BRINP2: variants seen among roughly 807,000 people sequenced by gnomAD.
BRINP2 encodes the protein BMP/retinoic acid inducible neural specific 2.
BRINP2 carries 21 observed loss-of-function variants against 69.2 expected under a neutral mutation model. That is an observed-to-expected ratio of 0.30 (90% CI 0.22 to 0.44). The LOEUF (loss-of-function observed/expected upper bound fraction) is 0.44, where lower values mean the gene tolerates loss of function less well. Ranked by LOEUF, BRINP2 falls within the 20% of genes least tolerant of loss-of-function variation. The pLI is 1.00. For synonymous variants in BRINP2, 380 were observed against 394.1 expected, an observed-to-expected ratio of 0.96 and a Z score of 0.42; for missense variants, 877 against 986.0, an observed-to-expected ratio of 0.89 and a Z score of 1.48.
chr1:177,230,999 T>G (rs925227028), intron 2 of BRINP2, among the ~76,000 whole-genome samples: 5 of 152,090 alleles, frequency 3.3e-5, no homozygotes, highest in Non-Finnish European at 5.9e-5. Flanking sequence ...TAGTTTTTCA[T>G]GCAAAAAGAA....
intron 1 of BRINP2, among the ~76,000 whole-genome samples, chr1:177,201,986 G>A (rs1009856231): frequency 2.6e-5 from 4 of 152,188 alleles, no homozygotes; most frequent in African/African-American, 7.2e-5. Context: ...GTTTATTTGC[G>A]TAGAGGTGCT....
At chr1:177,261,714 G>A (rs2102350791) in intron 4 of BRINP2, among the ~76,000 whole-genome samples, 1 of 152,278 alleles carries the variant, frequency 6.6e-6, no homozygotes, top group South Asian at 2.1e-4. Flanking sequence ...ACAACTATGG[G>A]AGAAAATGAA....
At position 177,229,989 on chromosome 1, in the gene BRINP2, C is replaced by T. The variant is rs767880163; in HGVS notation, c.113C>T (p.Ala38Val). Reference sequence around the variant, plus strand: ...TGGGTGTTGGCTGTCTCAGCCACGGCGGCTGCTGTGGTCCCCGAGCAGCAT... The same window carrying T: ...TGGGTGTTGGCTGTCTCAGCCACGGTGGCTGCTGTGGTCCCCGAGCAGCAT... ...PGWVLAVSAT[A>V]AAVVPEQHAS... The change falls in exon 2 of 8, where the codon GCG (alanine) becomes GTG (valine). Residue 38 changes from alanine (A) to valine (V), a missense_variant. Ala to Val is a moderately conservative substitution (Grantham distance 64, BLOSUM62 0). Around this residue, in one of 3 missense-constraint regions of BRINP2, gnomAD observed 566 missense variants for 625.2 expected, o/e 0.91. Coordinates refer to ENST00000361539, the MANE Select transcript of BRINP2 (RefSeq NM_021165.4). 3.1e-6 allele frequency: 5 copies of T among 1,613,308 alleles called. No individual in the cohort carries two copies. Among genetic ancestry groups the T allele is most frequent in the Non-Finnish European group, 4.2e-6 (5 of 1,179,834 alleles).
intron 1 of BRINP2, among the ~76,000 whole-genome samples, chr1:177,187,772 G>A (rs537732815): frequency 3.9e-4 from 59 of 152,268 alleles, no homozygotes; most frequent in African/African-American, 1.3e-3. Flanking sequence ...AACCAGGTAG[G>A]CCATGGATTT....
At chr1:177,183,899 G>A (rs1193567045) in intron 1 of BRINP2, among the ~76,000 whole-genome samples, 1 of 152,174 alleles carries the variant, frequency 6.6e-6, no homozygotes, top group Non-Finnish European at 1.5e-5. Context: ...CTGCTAGATA[G>A]GGAAAAGAGA....
chr1:177,183,014 AGG>A (rs1156932812), intron 1 of BRINP2, among the ~76,000 whole-genome samples: 10 of 150,308 alleles, frequency 6.7e-5, no homozygotes, highest in Non-Finnish European at 1.3e-4. Flanking sequence ...CTCTCAGTGC[AGG>A]GCAGCATGCA....
intron 1 of BRINP2, among the ~76,000 whole-genome samples, chr1:177,209,707 T>C (rs1029592847): frequency 4.6e-5 from 7 of 151,966 alleles, no homozygotes; most frequent in African/African-American, 1.7e-4. Flanking sequence ...GCTGAAGCTC[T>C]CCGGTAAGAA....
intron 2 of BRINP2, among the ~76,000 whole-genome samples, chr1:177,244,886 A>C (rs755168180): frequency 6.6e-6 from 1 of 152,264 alleles, no homozygotes; most frequent in African/African-American, 2.4e-5. Context: ...CCAAATCAGC[A>C]CACAGTCCCT....
intron 4 of BRINP2, 81 bp from the exon 5 acceptor site, chr1:177,273,407 G>A: frequency 1.1e-6 from 1 of 888,738 alleles, no homozygotes; most frequent in East Asian, 2.6e-5. Flanking sequence ...TGGAACCTGA[G>A]ATGGAGCAGC....
intron 4 of BRINP2, among the ~76,000 whole-genome samples, chr1:177,263,412 A>T (rs1353988621): frequency 6.6e-6 from 1 of 152,170 alleles, no homozygotes. Flanking sequence ...GGAGCCAGAG[A>T]TCATTAGAGA....
intron 1 of BRINP2, among the ~76,000 whole-genome samples, chr1:177,196,945 C>T (rs1398472146): frequency 6.6e-6 from 1 of 152,048 alleles, no homozygotes; most frequent in Non-Finnish European, 1.5e-5. Context: ...CCACCCCAGT[C>T]CCCCCAGTTC....
Position 177,281,121 on chromosome 1 carries a change from C to T in BRINP2, c.1945C>T (p.Arg649Ter), listed in dbSNP as rs1651684490. The change falls in exon 8 of 8, where the codon CGA becomes TGA. Residue 649 changes from arginine to a stop codon, truncating the protein, a stop_gained. Transcript: ENST00000361539. LOFTEE classifies it high-confidence loss of function. ...GACAGTTCATGTTTACCTACGGAGCCGAATCAAGTCCCTGGATGACAGCTC... is the reference window on the plus strand; with the variant it reads ...GACAGTTCATGTTTACCTACGGAGCTGAATCAAGTCCCTGGATGACAGCTC... ...FETVHVYLRS[R>*]IKSLDDSSNE... 3.1e-6 allele frequency: 5 copies of T among 1,614,024 alleles called. No individual in the cohort carries two copies. Among genetic ancestry groups the T allele is most frequent in the African/African-American group, 1.3e-5 (1 of 74,904 alleles).
At chr1:177,264,208 A>G (rs181377060) in intron 4 of BRINP2, among the ~76,000 whole-genome samples, 23 of 152,300 alleles carry the variant, frequency 1.5e-4, no homozygotes, top group African/African-American at 5.1e-4. Flanking sequence ...CCTTGACCTG[A>G]CCAACTTTAC....
Position 177,209,421 on chromosome 1 carries a change from G to A in BRINP2, c.-76-20380G>A, listed in dbSNP as rs567240295. On this transcript the variant is annotated intron_variant, in intron 1 of 7. Transcript: ENST00000361539. Reference sequence around the variant, plus strand: ...GTGAGACAGAAAGCCTCTTCCTGCTGAATCACCAGCACCAGTTCCAAGATC... The same window carrying A: ...GTGAGACAGAAAGCCTCTTCCTGCTAAATCACCAGCACCAGTTCCAAGATC... 6.6e-5 allele frequency among the ~76,000 whole-genome samples: 10 copies of A among 152,214 alleles called. No homozygotes were observed. The South Asian group carries it at 1.9e-3, about 28-fold the overall frequency.
intron 1 of BRINP2, among the ~76,000 whole-genome samples, chr1:177,212,411 G>A (rs1247616464): frequency 2.0e-5 from 3 of 152,146 alleles, no homozygotes; most frequent in Admixed American, 6.5e-5. Flanking sequence ...CAGCCATGGT[G>A]GCGGGCACCT....
At chr1:177,258,280 C>T (rs1650835302) in intron 4 of BRINP2, among the ~76,000 whole-genome samples, 1 of 152,174 alleles carries the variant, frequency 6.6e-6, no homozygotes, top group South Asian at 2.1e-4. Flanking sequence ...TGTTAAGGTA[C>T]TGAAAATACT....
At chr1:177,184,608 T>C (rs561061566) in intron 1 of BRINP2, among the ~76,000 whole-genome samples, 2 of 152,140 alleles carry the variant, frequency 1.3e-5, no homozygotes, top group Admixed American at 1.3e-4. Context: ...CCCTTTTTAA[T>C]TATAAACTAT....
At chr1:177,255,116 TTAGTG>T (rs1650713426) in intron 2 of BRINP2, among the ~76,000 whole-genome samples, 1 of 152,196 alleles carries the variant, frequency 6.6e-6, no homozygotes, top group Non-Finnish European at 1.5e-5. Context: ...TCTGTTTAGT[TTAGTG>T]TAGTACCAAA....
intron 5 of BRINP2, among the ~76,000 whole-genome samples, chr1:177,274,605 C>G (rs1282443055): frequency 6.6e-6 from 1 of 152,178 alleles, no homozygotes; most frequent in Non-Finnish European, 1.5e-5. Flanking sequence ...TTCAAAATGT[C>G]TAGTTGTTCA....
Sources: allele counts gnomAD v4.1 joint callset (sites outside exome capture counted in the v4.1 genomes callset), GRCh38; gene constraint gnomAD v4.1.1; regional missense constraint gnomAD v4.1.1; transcripts MANE v1.5; gene names NCBI Gene and HGNC (gene_info 2026-07-23, HGNC 2026-07-21).